Variants in SNX25 observed in about 807,000 individuals in gnomAD.
SNX25 encodes the protein sorting nexin-25.
In SNX25, 62 loss-of-function variants were observed where a neutral mutation model predicts 113.7. The observed-to-expected ratio is 0.55, with a 90% CI of 0.44 to 0.67. The LOEUF is 0.67. Among genes scored for constraint, SNX25 ranks in the 30% least tolerant of loss-of-function variants. SNX25 has a pLI of 0.00. For missense variants in SNX25, 1,014 were observed against 1,161.0 expected (o/e 0.87, Z 1.84); for synonymous variants, 421 against 436.2 (o/e 0.97, Z 0.43).
At chr4:185,339,939 T>C (rs560939945) in intron 11 of SNX25, among the ~76,000 whole-genome samples, 1 of 152,354 alleles carries the variant, frequency 6.6e-6, no homozygotes, top group African/African-American at 2.4e-5. Context: ...AATATGTTTT[T>C]TGAATTATTT....
chr4:185,215,792 CTTT>C (rs80171477), intron 1 of SNX25, among the ~76,000 whole-genome samples: 11 of 140,466 alleles, frequency 7.8e-5, no homozygotes, highest in Non-Finnish European at 9.4e-5. Context: ...ACTTTAAATT[CTTT>C]TTTTTTTTTT....
downstream of SNX25, chr4:185,372,711 A>G: frequency 1.6e-6 from 1 of 610,294 alleles, no homozygotes; most frequent in Non-Finnish European, 2.8e-6. Flanking sequence ...TTCTGCTGTC[A>G]CGTGAGGACA....
chr4:185,293,080 A>G (rs1298882026), intron 6 of SNX25, among the ~76,000 whole-genome samples: 1 of 152,264 alleles, frequency 6.6e-6, no homozygotes, highest in Non-Finnish European at 1.5e-5. Context: ...CAAAAGAGCA[A>G]TAACCCAGTT....
At chr4:185,216,783 A>G (rs1018594354) in intron 1 of SNX25, among the ~76,000 whole-genome samples, 1 of 151,950 alleles carries the variant, frequency 6.6e-6, no homozygotes, top group African/African-American at 2.4e-5. Flanking sequence ...GGCCTCCCAA[A>G]GTGCTGGGAT....
At chr4:185,262,907 G>A (rs543000692) in intron 3 of SNX25, among the ~76,000 whole-genome samples, 1 of 152,296 alleles carries the variant, frequency 6.6e-6, no homozygotes, top group Middle Eastern at 3.4e-3. Flanking sequence ...CCCACCCCTC[G>A]TGGTGCTTTC....
At chr4:185,297,299 A>C (rs1275517027) in intron 6 of SNX25, among the ~76,000 whole-genome samples, 2 of 152,222 alleles carry the variant, frequency 1.3e-5, no homozygotes, top group African/African-American at 4.8e-5. Flanking sequence ...TGGATAGTGC[A>C]TTATGAATAT....
At chr4:185,235,947 T>C (rs1248832645) in intron 1 of SNX25, among the ~76,000 whole-genome samples, 1 of 152,172 alleles carries the variant, frequency 6.6e-6, no homozygotes, top group Non-Finnish European at 1.5e-5. Context: ...CCAGAGCCGC[T>C]TGTCTATGTT....
chr4:185,336,629 G>A (rs555562702), intron 10 of SNX25, among the ~76,000 whole-genome samples: 80 of 152,342 alleles, frequency 5.3e-4, no homozygotes, highest in African/African-American at 1.9e-3. Context: ...AAACATGGCT[G>A]TGCAAGTATC....
intron 5 of SNX25, among the ~76,000 whole-genome samples, chr4:185,284,344 T>A (rs1377088033): frequency 6.6e-6 from 1 of 152,116 alleles, no homozygotes; most frequent in African/African-American, 2.4e-5. Context: ...AACAGCAATA[T>A]GAAAGAGTAA....
chr4:185,331,505 G>A (rs1231930206), intron 9 of SNX25, among the ~76,000 whole-genome samples: 2 of 152,150 alleles, frequency 1.3e-5, no homozygotes, highest in African/African-American at 4.8e-5. Flanking sequence ...TATGGGCCGG[G>A]CACAGTGGCT....
chr4:185,316,345 G>A (rs74387239), intron 7 of SNX25, among the ~76,000 whole-genome samples: 2,760 of 152,250 alleles, frequency 0.018, 78 homozygotes, highest in African/African-American at 0.062. Context: ...AAACTGAGGC[G>A]CAGAGAGATA....
chr4:185,329,985 C>G (rs2095183029), intron 9 of SNX25, among the ~76,000 whole-genome samples: 1 of 152,060 alleles, frequency 6.6e-6, no homozygotes. Context: ...GCCTCTATCC[C>G]CAACACCCAT....
intron 1 of SNX25, among the ~76,000 whole-genome samples, chr4:185,225,888 C>G (rs1024099369): frequency 4.6e-5 from 7 of 152,192 alleles, no homozygotes; most frequent in African/African-American, 1.7e-4. Flanking sequence ...ACTCTGGAGT[C>G]TACACACTTA....
chr4:185,213,218 A>G (rs1484318858), intron 1 of SNX25, among the ~76,000 whole-genome samples: 1 of 152,206 alleles, frequency 6.6e-6, no homozygotes. Flanking sequence ...GAAGAACGTT[A>G]TGTCCATTTA....
intron 5 of SNX25, among the ~76,000 whole-genome samples, chr4:185,282,086 T>C (rs188375773): frequency 5.9e-5 from 9 of 152,326 alleles, no homozygotes; most frequent in African/African-American, 2.2e-4. Flanking sequence ...GTATTCTCCA[T>C]AATCTTGCTA....
intron 13 of SNX25, among the ~76,000 whole-genome samples, chr4:185,347,656 A>T (rs1465996032): frequency 2.0e-5 from 3 of 152,008 alleles, no homozygotes; most frequent in Non-Finnish European, 4.4e-5. Context: ...TTTTTAGTAG[A>T]GACGGGGTTT....
chr4:185,375,451 G>A, the SNX25 span, among the ~76,000 whole-genome samples: 11 of 31,000 alleles, frequency 3.5e-4, no homozygotes, highest in African/African-American at 8.7e-4. Context: ...GCGAGACTCC[G>A]TCTCAAAAAA....
intron 6 of SNX25, among the ~76,000 whole-genome samples, chr4:185,299,225 G>A (rs1230610084): frequency 1.3e-5 from 2 of 152,180 alleles, no homozygotes; most frequent in Admixed American, 6.6e-5. Flanking sequence ...CGGCACATGC[G>A]CATAGAAAAA....
At chr4:185,289,645 C>A (rs1751871518) in intron 6 of SNX25, among the ~76,000 whole-genome samples, 1 of 152,158 alleles carries the variant, frequency 6.6e-6, no homozygotes, top group Admixed American at 6.5e-5. Context: ...GAGACTTGAT[C>A]TGATGAATTC....
Sources: gnomAD v4.1 joint callset for allele counts (sites outside exome capture counted in the v4.1 genomes callset) on GRCh38, gnomAD v4.1.1 for gene constraint, MANE v1.5 for transcripts, NCBI Gene and HGNC (gene_info 2026-07-23, HGNC 2026-07-21) for gene names.